Variants in CDC14A observed in about 807,000 individuals in gnomAD.
CDC14A encodes cell division cycle 14A.
CDC14A carries 53 observed loss-of-function variants against 74.4 expected under a neutral mutation model. The observed-to-expected ratio is 0.71, with a 90% CI of 0.57 to 0.89. CDC14A has a LOEUF of 0.89. Among genes scored for constraint, CDC14A ranks in the 40% least tolerant of loss-of-function variants. The probability of loss-of-function intolerance (pLI) is 0.00; values close to 1 mark genes in which losing one functional copy is unlikely to be tolerated. For synonymous variants in CDC14A, 247 were observed against 258.4 expected (o/e 0.96, Z 0.43); for missense variants, 646 against 713.7 (o/e 0.91, Z 1.08).
intron 9 of CDC14A, 27 bp from the exon 10 acceptor site, chr1:100,467,929 T>A: frequency 6.4e-7 from 1 of 1,559,186 alleles, no homozygotes; most frequent in Non-Finnish European, 8.6e-7. Flanking sequence ...GACTTTATAT[T>A]TCTTATTCTG....
intron 4 of CDC14A, chr1:100,393,010 T>C: frequency 7.6e-7 from 1 of 1,314,632 alleles, no homozygotes; most frequent in South Asian, 1.3e-5. Context: ...GAGCCCAACT[T>C]TTCTACCCGC....
chr1:100,453,788 C>A (rs1666383685), intron 7 of CDC14A, among the ~76,000 whole-genome samples: 2 of 152,170 alleles, frequency 1.3e-5, no homozygotes, highest in Non-Finnish European at 2.9e-5. Flanking sequence ...TACAGGCACA[C>A]ACCACCACAC....
At chr1:100,511,602 C>A (rs974205188) in intron 15 of CDC14A, among the ~76,000 whole-genome samples, 1 of 152,112 alleles carries the variant, frequency 6.6e-6, no homozygotes, top group African/African-American at 2.4e-5. Context: ...GTTTCCTAGC[C>A]GAATAATCTC....
intron 15 of CDC14A, among the ~76,000 whole-genome samples, chr1:100,509,531 T>G (rs80200992): frequency 4.9e-4 from 75 of 152,368 alleles, no homozygotes; most frequent in African/African-American, 1.7e-3. Flanking sequence ...CTTCCAAAAA[T>G]TTGAATTTTA....
At chr1:100,505,644 T>A (rs572241429) in intron 15 of CDC14A, among the ~76,000 whole-genome samples, 1 of 152,220 alleles carries the variant, frequency 6.6e-6, no homozygotes, top group Non-Finnish European at 1.5e-5. Flanking sequence ...TTTCCAGTGG[T>A]ATGTAGTAGT....
chr1:100,465,807 A>C (rs1206996189), intron 9 of CDC14A, among the ~76,000 whole-genome samples: 1 of 152,238 alleles, frequency 6.6e-6, no homozygotes, highest in Non-Finnish European at 1.5e-5. Context: ...GTGATAGTCC[A>C]GTATGTGATT....
intron 5 of CDC14A, among the ~76,000 whole-genome samples, chr1:100,425,447 TA>T (rs1480953848): frequency 1.3e-5 from 2 of 152,200 alleles, no homozygotes; most frequent in Non-Finnish European, 2.9e-5. Flanking sequence ...GCCTTATACT[TA>T]AAAGCACTTT....
intron 13 of CDC14A, among the ~76,000 whole-genome samples, chr1:100,496,314 G>C (rs577226711): frequency 4.6e-4 from 70 of 151,926 alleles, no homozygotes; most frequent in Non-Finnish European, 9.6e-4. Flanking sequence ...ATTGTGGAGG[G>C]GGGTCTCTAA....
chr1:100,393,833 C>A (rs915567737), intron 4 of CDC14A: 3 of 260,644 alleles, frequency 1.2e-5, no homozygotes, highest in African/African-American at 4.6e-5. Flanking sequence ...GTCCCAGCTA[C>A]TCGGGAGGCT....
At chr1:100,406,208 T>C (rs1333916270) in intron 4 of CDC14A, among the ~76,000 whole-genome samples, 3 of 152,192 alleles carry the variant, frequency 2.0e-5, no homozygotes, top group African/African-American at 7.2e-5. Flanking sequence ...TATCCCCTGC[T>C]CACTTTTCAA....
chr1:100,462,484 T>G, intron 8 of CDC14A, 167 bp from the exon 9 acceptor site: 1 of 609,050 alleles, frequency 1.6e-6, no homozygotes, highest in South Asian at 2.0e-5. Context: ...CTTACAGTTA[T>G]GCAGATTGAT....
chr1:100,393,555 C>T (rs915826687), intron 4 of CDC14A: 1 of 745,538 alleles, frequency 1.3e-6, no homozygotes, highest in African/African-American at 1.7e-5. Flanking sequence ...TGTCAGGTAT[C>T]TCAGGTAGTT....
chr1:100,494,950 T>TA lies in CDC14A; in HGVS notation c.1250+20_1250+21insA. The TA allele has an allele frequency of 1.6e-6, 2 of 1,263,262 alleles. No individual in the cohort carries two copies. Among genetic ancestry groups the TA allele is most frequent in the Non-Finnish European group, 2.3e-6 (2 of 865,286 alleles). The allele number at this position is 1,263,262 out of a possible 1,614,324, so 78.3% of individuals were successfully genotyped here. A position where few individuals can be genotyped will look rare whatever the true frequency, so the allele number is the denominator to read the frequency against. Reference sequence around the variant, plus strand: ...ATTTAGGTAGATCTGTTTTAAACACTTCAATTTATAGTGTGCTTCCCTTTG... The same window carrying TA: ...ATTTAGGTAGATCTGTTTTAAACACTATCAATTTATAGTGTGCTTCCCTTTG... On this transcript the variant is annotated intron_variant, in intron 12 of 15. Transcript: ENST00000336454.
chr1:100,474,157 T>A (rs1262530960), intron 10 of CDC14A, among the ~76,000 whole-genome samples: 2 of 152,246 alleles, frequency 1.3e-5, no homozygotes, highest in Non-Finnish European at 2.9e-5. Context: ...ATCGATTGTT[T>A]TTTGTATATT....
chr1:100,484,544 C>T, intron 11 of CDC14A, 93 bp downstream of exon 11: 1 of 1,366,416 alleles, frequency 7.3e-7, no homozygotes, highest in Non-Finnish European at 9.5e-7. Flanking sequence ...TGTCTTTTCT[C>T]TGGATGCCAC....
intron 10 of CDC14A, among the ~76,000 whole-genome samples, chr1:100,470,342 A>T (rs1668268247): frequency 6.6e-6 from 1 of 152,082 alleles, no homozygotes; most frequent in Non-Finnish European, 1.5e-5. Context: ...AGCTAAAATT[A>T]TATTTAATGG....
rs1402344415 is a variant in CDC14A at position 100,378,523 on chromosome 1, T to C, written c.216+902T>C. 1.3e-4 allele frequency among the ~76,000 whole-genome samples: 20 copies of C among 152,180 alleles called. 1 individual carries two copies. The highest frequency in any genetic ancestry group is 1.3e-3 in the Admixed American group (20 of 15,284). ...AACTGTTCTGTGATTATTTTTTGAT[T>C]TGATTGGTTTTTAATGAACTTAGGT... On this transcript the variant is annotated intron_variant, in intron 3 of 15. Coordinates refer to ENST00000336454, the MANE Select transcript of CDC14A (RefSeq NM_003672.4).
chr1:100,444,840 C>T (rs1175243246), intron 7 of CDC14A, among the ~76,000 whole-genome samples: 2 of 152,076 alleles, frequency 1.3e-5, no homozygotes, highest in African/African-American at 4.8e-5. Context: ...AATAGAAAAA[C>T]ATATACTTTG....
chr1:100,429,903 T>A (rs1430899800), intron 5 of CDC14A, among the ~76,000 whole-genome samples: 5 of 151,774 alleles, frequency 3.3e-5, no homozygotes, highest in African/African-American at 1.2e-4. Context: ...AACCCAGAAT[T>A]TTCTTTCTTC....
Sources: gnomAD v4.1 joint callset for allele counts (sites outside exome capture counted in the v4.1 genomes callset) on GRCh38, gnomAD v4.1.1 for gene constraint, MANE v1.5 for transcripts, NCBI Gene and HGNC (gene_info 2026-07-23, HGNC 2026-07-21) for gene names.